The following BFSP2 variants were observed in gnomAD, a reference collection of about 807,000 sequenced individuals.
BFSP2 encodes beaded filament structural protein 2, also known as phakinin.
A neutral mutation model predicts 44.9 loss-of-function variants in BFSP2; 38 were observed. The ratio of observed to expected loss-of-function variants is 0.85; its 90% CI spans 0.65 to 1.11. BFSP2 has a LOEUF of 1.11. BFSP2 is among the 50% of genes least tolerant of loss of function. The pLI is 0.00. For missense variants in BFSP2, 525 were observed against 533.0 expected (o/e 0.99, Z 0.15); for synonymous variants, 197 against 209.9 (o/e 0.94, Z 0.53).
intron 1 of BFSP2, among the ~76,000 whole-genome samples, chr3:133,404,530 C>T (rs772747159): frequency 3.3e-5 from 5 of 152,280 alleles, no homozygotes; most frequent in South Asian, 4.1e-4. Context: ...AGAAAGGTAC[C>T]GCAGCCATTG....
chr3:133,429,391 A>G (rs9820011), intron 1 of BFSP2: 126,200 of 152,210 alleles, frequency 0.83, 52,474 homozygotes, highest in Middle Eastern at 0.93. Flanking sequence ...AAGAGGTGAC[A>G]CTGCAGTTCA....
intron 1 of BFSP2, among the ~76,000 whole-genome samples, chr3:133,442,875 T>G (rs2073858468): frequency 6.6e-6 from 1 of 151,360 alleles, no homozygotes; most frequent in Admixed American, 6.6e-5. Context: ...TTTTTTTTTT[T>G]TAATGGATTT....
chr3:133,468,376 ACTGT>A (rs2074131680), intron 5 of BFSP2, among the ~76,000 whole-genome samples: 1 of 152,204 alleles, frequency 6.6e-6, no homozygotes, highest in Non-Finnish European at 1.5e-5. Context: ...ATATCTAGTT[ACTGT>A]CTTAGTAGCT....
intron 1 of BFSP2, among the ~76,000 whole-genome samples, chr3:133,412,780 A>T (rs1408121074): frequency 1.3e-5 from 2 of 152,210 alleles, no homozygotes; most frequent in Non-Finnish European, 2.9e-5. Context: ...TGAAAGGTGA[A>T]TGTGGAACCA....
At chr3:133,450,603 A>C in intron 4 of BFSP2, 139 bp downstream of exon 4, 2 of 1,008,744 alleles carry the variant, frequency 2.0e-6, no homozygotes, top group Non-Finnish European at 2.9e-6. Flanking sequence ...AGAAGAAATG[A>C]AAATTAAAAT....
chr3:133,441,781 T>G (rs1290400893), intron 1 of BFSP2, among the ~76,000 whole-genome samples: 1 of 152,148 alleles, frequency 6.6e-6, no homozygotes. Flanking sequence ...ACAGATAAAA[T>G]AATTTAAAAA....
intron 1 of BFSP2, chr3:133,410,543 G>T: frequency 3.6e-6 from 1 of 280,596 alleles, no homozygotes; most frequent in Non-Finnish European, 7.4e-6. Context: ...AATCACCTGG[G>T]GACCCTAATG....
intron 1 of BFSP2, among the ~76,000 whole-genome samples, chr3:133,401,207 A>G (rs1484471922): frequency 6.6e-6 from 1 of 152,232 alleles, no homozygotes; most frequent in African/African-American, 2.4e-5. Flanking sequence ...CTATATGTCC[A>G]GAATGTTATT....
chr3:133,446,602 A>AAAGGAGTC (rs2073901939), intron 1 of BFSP2, among the ~76,000 whole-genome samples: 1 of 38,486 alleles, frequency 2.6e-5, no homozygotes, highest in Non-Finnish European at 4.8e-5. Context: ...ATATATATAT[A>AAAGGAGTC]TATATATATA....
Position 133,472,205 on chromosome 3 carries a change from A to G in BFSP2, c.1024-140A>G, listed in dbSNP as rs989708844. ...GGAGCCACTAAGAATAACCCCCATC[A>G]GTCTCCATAACTGGCAAGGTCCCTG... is the stretch of plus-strand genomic sequence containing the variant. On this transcript the variant is annotated intron_variant, in intron 5 of 6. Coordinates refer to ENST00000302334, the MANE Select transcript of BFSP2 (RefSeq NM_003571.4). 1.9e-5 allele frequency: 17 copies of G among 886,922 alleles called. 1 individual carries two copies. The highest frequency in any genetic ancestry group is 2.9e-4 in the Middle Eastern group (1 of 3,460). 54.9% of individuals were successfully genotyped at this position (886,922 alleles called of 1,614,324 possible). A position where few individuals can be genotyped will look rare whatever the true frequency, so the allele number is the denominator to read the frequency against.
rs112518744 is a variant in BFSP2, at chr3:133,400,886, G to A, written c.489+314G>A. On this transcript the variant is annotated intron_variant, in intron 1 of 6. Transcript: ENST00000302334. The surrounding 1 kb of genome is among the most constrained non-coding windows in gnomAD (Gnocchi z 4.0). ...TAATTTGCCCAAGACTTCAAAGCTA[G>A]TAGAGGGATGGAGATGAGATTTGAA... Among the ~76,000 whole-genome samples, 5,017 of 152,286 alleles carry A rather than the reference G, an allele frequency of 0.033. 274 individuals carry two copies. Among genetic ancestry groups the A allele is most frequent in the African/African-American group, 0.11 (4,634 of 41,528 alleles).
At position 133,450,353 on chromosome 3, in the gene BFSP2, G is replaced by A. The variant is rs776810539; in HGVS notation, c.780G>A (p.Met260Ile). ...TGGCAGGGTGTGAGCTGGAACAAAT[G>A]GATGCTCCCATTGGCACTGGTCTGG... is the stretch of plus-strand genomic sequence containing the variant. ...KQLAGCELEQ[M>I]DAPIGTGLDD... Residue 260 changes from methionine (M) to isoleucine (I), a missense_variant, in exon 4 of 7, where the codon ATG becomes ATA. Transcript: ENST00000302334. The A allele has an allele frequency of 3.1e-6, 5 of 1,614,194 alleles. No homozygotes were observed. The highest frequency in any genetic ancestry group is 4.2e-6 in the Non-Finnish European group (5 of 1,180,024).
intron 5 of BFSP2, among the ~76,000 whole-genome samples, chr3:133,471,820 A>G (rs182628934): frequency 6.6e-6 from 1 of 152,328 alleles, no homozygotes; most frequent in African/African-American, 2.4e-5. Flanking sequence ...TATAAAGGCC[A>G]GAGACATTCA....
intron 1 of BFSP2, among the ~76,000 whole-genome samples, chr3:133,412,793 C>A (rs1275305458): frequency 6.6e-6 from 1 of 152,232 alleles, no homozygotes; most frequent in African/African-American, 2.4e-5. Context: ...TGGAACCAGA[C>A]AGGCTCCAGG....
At chr3:133,425,850 A>AAGGGAAAT (rs1231739466) in intron 1 of BFSP2, among the ~76,000 whole-genome samples, 9 of 125,218 alleles carry the variant, frequency 7.2e-5, no homozygotes, top group African/African-American at 2.3e-4. Context: ...TAAAGAAGGG[A>AAGGGAAAT]AAGGAAGGGA....
intron 4 of BFSP2, among the ~76,000 whole-genome samples, chr3:133,452,754 C>T (rs2073977175): frequency 1.3e-5 from 2 of 152,192 alleles, no homozygotes; most frequent in Admixed American, 6.5e-5. Context: ...CCTGGCTCTG[C>T]TTCTAAAGCT....
At chr3:133,442,293 G>C (rs537896982) in intron 1 of BFSP2, among the ~76,000 whole-genome samples, 4 of 152,094 alleles carry the variant, frequency 2.6e-5, no homozygotes, top group African/African-American at 7.2e-5. Context: ...TGCACATCAT[G>C]ACACCTGGAT....
At chr3:133,464,374 A>G (rs1406915464) in intron 4 of BFSP2, among the ~76,000 whole-genome samples, 1 of 152,084 alleles carries the variant, frequency 6.6e-6, no homozygotes. Context: ...AAATAACTCA[A>G]TCTCCCTGTG....
chr3:133,438,490 A>T (rs1266261120), intron 1 of BFSP2, among the ~76,000 whole-genome samples: 1 of 152,164 alleles, frequency 6.6e-6, no homozygotes, highest in South Asian at 2.1e-4. Flanking sequence ...AGCTGAGATC[A>T]CACCACTGCA....
Sources: allele counts gnomAD v4.1 joint callset (sites outside exome capture counted in the v4.1 genomes callset), GRCh38; gene constraint gnomAD v4.1.1; non-coding constraint Gnocchi (gnomAD v3.1); transcripts MANE v1.5; gene names NCBI Gene and HGNC (gene_info 2026-07-23, HGNC 2026-07-21).